The following PCDHGA3 variants were observed in gnomAD, a reference collection of about 807,000 sequenced individuals.
PCDHGA3 encodes protocadherin gamma subfamily A, 3, also known as protocadherin gamma-A3.
In PCDHGA3, 40 loss-of-function variants were observed where a neutral mutation model predicts 58.5. The observed-to-expected ratio is 0.68, with a 90% CI of 0.53 to 0.89. The LOEUF is 0.89. PCDHGA3 is among the 40% of genes least tolerant of loss of function. PCDHGA3 has a pLI of 0.00. For synonymous variants in PCDHGA3, 530 were observed against 525.7 expected (o/e 1.01, Z -0.11); for missense variants, 1,223 against 1,195.9 (o/e 1.02, Z -0.33).
rs67622091 is a variant in PCDHGA3 at position 141,388,335 on chromosome 5, C to T, written c.2424+41878C>T. ...AAGTGAGTCTGCACAGCCTGGCACA[C>T]GATTTATATTAGGATCTGCCCATGA... On this transcript the variant is annotated intron_variant, in intron 1 of 3. Transcript: ENST00000253812. 13 of 1,613,842 alleles carry T rather than the reference C, an allele frequency of 8.1e-6. No homozygotes were observed. In the East Asian group the frequency reaches 1.8e-4, roughly 22 times the overall value.
Position 141,355,978 on chromosome 5 carries a change from C to T in PCDHGA3, c.2424+9521C>T, listed in dbSNP as rs771818833. On this transcript the variant is annotated intron_variant, in intron 1 of 3. Transcript: ENST00000253812. ...TCGTGAGAACGTTCCTGTAGGCACT[C>T]GGCTACTCACCGTAAAAGCCACTGA... 8 of 1,613,708 alleles carry T rather than the reference C, an allele frequency of 5.0e-6. No homozygotes were observed. In the Admixed American group the frequency reaches 1.2e-4, roughly 24 times the overall value.
At chr5:141,389,304 GCTT>G (rs762969573) in intron 1 of PCDHGA3, 2 of 1,614,006 alleles carry the variant, frequency 1.2e-6, no homozygotes, top group Non-Finnish European at 1.7e-6. Context: ...ACAAGTCAGG[GCTT>G]CTGATCCGGA....
chr5:141,410,785 G>T, intron 1 of PCDHGA3: 1 of 804,598 alleles, frequency 1.2e-6, no homozygotes, highest in Non-Finnish European at 1.8e-6. Context: ...TATGTATTTG[G>T]TTCATAAGTT....
chr5:141,355,523 T>C lies in PCDHGA3; in HGVS notation c.2424+9066T>C, dbSNP rs1170286718. The C allele has an allele frequency of 3.9e-5, 63 of 1,613,962 alleles. No individual in the cohort carries two copies. In the Admixed American group the frequency reaches 1.0e-3, roughly 27 times the overall value. On this transcript the variant is annotated intron_variant, in intron 1 of 3. Transcript: ENST00000253812. ...CCAAACTGTGTGACAAACCTGGAGA[T>C]TCTTCTAGAAGATACAGTGAAGATT...
chr5:141,393,003 G>A (rs1202314944), intron 1 of PCDHGA3: 1 of 1,613,882 alleles, frequency 6.2e-7, no homozygotes, highest in East Asian at 2.2e-5. Flanking sequence ...GAAGCACGGA[G>A]TCCGTATCGT....
intron 1 of PCDHGA3, chr5:141,376,291 C>G (rs780024608): frequency 6.2e-6 from 10 of 1,614,040 alleles, no homozygotes; most frequent in South Asian, 1.1e-5. Flanking sequence ...CGAGCATGCC[C>G]GGCTCGCACT....
chr5:141,410,158 G>A (rs755466762), intron 1 of PCDHGA3: 1 of 1,613,398 alleles, frequency 6.2e-7, no homozygotes, highest in Admixed American at 1.7e-5. Flanking sequence ...GTGGACAGCC[G>A]CCACTCTCTG....
chr5:141,497,858 C>T (rs920483410), intron 2 of PCDHGA3, among the ~76,000 whole-genome samples: 3 of 152,218 alleles, frequency 2.0e-5, no homozygotes, highest in Non-Finnish European at 2.9e-5. Flanking sequence ...TTTGATTCAG[C>T]GGCTCCAAAG....
intron 1 of PCDHGA3, chr5:141,372,083 G>T (rs1381793721): frequency 6.2e-7 from 1 of 1,613,756 alleles, no homozygotes. Context: ...CGCTGGTGCT[G>T]TACCCAGCTC....
intron 1 of PCDHGA3, chr5:141,372,236 C>G (rs777727544): frequency 1.2e-6 from 2 of 1,613,204 alleles, no homozygotes; most frequent in East Asian, 4.5e-5. Flanking sequence ...CCAGCGAGCC[C>G]GGGCTGTTCA....
chr5:141,432,413 G>C lies in PCDHGA3; in HGVS notation c.2425-62394G>C, dbSNP rs369816901. 9 of 1,614,114 alleles carry C rather than the reference G, an allele frequency of 5.6e-6. No homozygotes were observed. The highest frequency in any genetic ancestry group is 1.3e-5 in the African/African-American group (1 of 74,946). ...CAGCAACGTGTCGTTGAGCCTGTTCGTGCTGGACCAGAACGACAATGCGCC... is the reference window on the plus strand; with the variant it reads ...CAGCAACGTGTCGTTGAGCCTGTTCCTGCTGGACCAGAACGACAATGCGCC... On this transcript the variant is annotated intron_variant, in intron 1 of 3. Coordinates refer to ENST00000253812, the MANE Select transcript of PCDHGA3 (RefSeq NM_018916.4). This position sits in a 1 kb window ranked among gnomAD's most constrained non-coding sequence, Gnocchi z 6.0.
At position 141,485,010 on chromosome 5, in the gene PCDHGA3, C is replaced by T; in HGVS notation, c.2425-9797C>T. 1 of 629,958 alleles carries T rather than the reference C, an allele frequency of 1.6e-6. No homozygotes were observed. The highest frequency in any genetic ancestry group is 2.9e-6 in the Non-Finnish European group (1 of 350,608). 39.0% of individuals were successfully genotyped at this position (629,958 alleles called of 1,614,324 possible). On this transcript the variant is annotated intron_variant, in intron 1 of 3. Coordinates refer to ENST00000253812, the MANE Select transcript of PCDHGA3 (RefSeq NM_018916.4). This position sits in a 1 kb window ranked among gnomAD's most constrained non-coding sequence, Gnocchi z 5.7. ...GTGGTGAAAGGCAGACAAATCTACC[C>T]CGCCACCAGCAAAAACGGCGCGTAA...
chr5:141,352,213 C>A, intron 1 of PCDHGA3: 2 of 1,614,056 alleles, frequency 1.2e-6, no homozygotes, highest in Non-Finnish European at 1.7e-6. Flanking sequence ...CGCCACTCTC[C>A]GCCACCGCCA....
At chr5:141,372,515 G>A (rs1768826871) in intron 1 of PCDHGA3, 2 of 1,614,050 alleles carry the variant, frequency 1.2e-6, no homozygotes, top group Admixed American at 1.7e-5. Context: ...TCCTCGCGGT[G>A]ATTCTGGCAA....
At chr5:141,357,483 G>T (rs368424779) in intron 1 of PCDHGA3, 6 of 1,614,194 alleles carry the variant, frequency 3.7e-6, no homozygotes, top group Admixed American at 1.7e-5. Flanking sequence ...CCCTCACCGC[G>T]GACTCGCGGA....
At chr5:141,356,885 T>A in intron 1 of PCDHGA3, 2 of 1,614,172 alleles carry the variant, frequency 1.2e-6, no homozygotes, top group Non-Finnish European at 1.7e-6. Flanking sequence ...GTCCCTGAGA[T>A]CCTGTACCCC....
At chr5:141,375,751 T>C (rs1389189532) in intron 1 of PCDHGA3, 3 of 1,614,108 alleles carry the variant, frequency 1.9e-6, no homozygotes, top group Non-Finnish European at 2.5e-6. Context: ...TGGACCAGAA[T>C]GACAATGCGC....
intron 1 of PCDHGA3, chr5:141,433,010 C>A (rs1392666523): frequency 6.2e-7 from 1 of 1,614,178 alleles, no homozygotes. Flanking sequence ...GGCTTTCCTG[C>A]AGACCTATTC....
chr5:141,413,390 C>G, intron 1 of PCDHGA3: 1 of 1,614,010 alleles, frequency 6.2e-7, no homozygotes, highest in Non-Finnish European at 8.5e-7. Context: ...CGCATAGTCT[C>G]CAGAGGTAGG....
Sources: allele counts gnomAD v4.1 joint callset (sites outside exome capture counted in the v4.1 genomes callset), GRCh38; gene constraint gnomAD v4.1.1; non-coding constraint Gnocchi (gnomAD v3.1); transcripts MANE v1.5; gene names NCBI Gene and HGNC (gene_info 2026-07-23, HGNC 2026-07-21).